Variants in NCAM2 observed in about 807,000 individuals in gnomAD.
NCAM2 encodes neural cell adhesion molecule 2, also known as N-CAM-2.
Under a neutral mutation model 98.1 loss-of-function variants are expected in NCAM2, and 30 were observed. The observed-to-expected ratio is 0.31, with a 90% CI of 0.23 to 0.41. NCAM2 has a LOEUF of 0.41. Ranked by LOEUF, NCAM2 falls within the 10% of genes least tolerant of loss-of-function variation. NCAM2 has a pLI of 1.00. For synonymous variants in NCAM2, 368 were observed against 342.4 expected (o/e 1.07, Z -0.83); for missense variants, 867 against 1,005.8 (o/e 0.86, Z 1.87).
chr21:21,270,013 T>G (rs1440336359), intron 1 of NCAM2, among the ~76,000 whole-genome samples: 3 of 152,168 alleles, frequency 2.0e-5, no homozygotes, highest in African/African-American at 7.2e-5. Flanking sequence ...AATACCCACA[T>G]TGGGGAAGAC....
intron 1 of NCAM2, among the ~76,000 whole-genome samples, chr21:21,198,037 A>G (rs984760801): frequency 2.0e-5 from 3 of 152,180 alleles, no homozygotes; most frequent in Non-Finnish European, 4.4e-5. Context: ...TACCTGGTTC[A>G]TATCACTCTT....
intron 6 of NCAM2, among the ~76,000 whole-genome samples, chr21:21,325,620 A>C (rs9974097): frequency 0.046 from 6,989 of 152,232 alleles, 291 homozygotes; most frequent in East Asian, 0.19. Context: ...CTGCTGATTT[A>C]CTAATGTGGA....
chr21:21,016,312 G>T (rs1030082754), intron 1 of NCAM2, among the ~76,000 whole-genome samples: 1 of 152,172 alleles, frequency 6.6e-6, no homozygotes, highest in East Asian at 1.9e-4. Flanking sequence ...ATGTTGAAAA[G>T]ACCATTTTTG....
intron 1 of NCAM2, among the ~76,000 whole-genome samples, chr21:21,164,089 A>T (rs1478253808): frequency 6.6e-6 from 1 of 152,244 alleles, no homozygotes; most frequent in Non-Finnish European, 1.5e-5. Context: ...AAGACTGGAC[A>T]GCTGCCACCA....
chr21:21,380,476 G>T (rs1318512624), intron 9 of NCAM2, among the ~76,000 whole-genome samples: 3 of 152,012 alleles, frequency 2.0e-5, no homozygotes, highest in Non-Finnish European at 4.4e-5. Flanking sequence ...GGAAGTCAGA[G>T]GTCTGAAATG....
At chr21:21,288,438 CCAG>C (rs1276247943) in intron 4 of NCAM2, among the ~76,000 whole-genome samples, 24 of 151,520 alleles carry the variant, frequency 1.6e-4, no homozygotes, top group Middle Eastern at 3.4e-3. Context: ...ATATCTAGAA[CCAG>C]AAAATCCAAT....
intron 12 of NCAM2, among the ~76,000 whole-genome samples, chr21:21,449,956 G>A (rs914602449): frequency 1.3e-5 from 2 of 151,882 alleles, no homozygotes; most frequent in Non-Finnish European, 2.9e-5. Flanking sequence ...CTTTTTCTGT[G>A]TATCAGTGTC....
intron 1 of NCAM2, among the ~76,000 whole-genome samples, chr21:21,008,132 A>T (rs1439615628): frequency 1.3e-5 from 2 of 150,804 alleles, no homozygotes. Context: ...GGTATGTCCC[A>T]TATACTTTGA....
At chr21:21,074,666 G>A (rs901810523) in intron 1 of NCAM2, among the ~76,000 whole-genome samples, 4 of 152,162 alleles carry the variant, frequency 2.6e-5, no homozygotes, top group African/African-American at 9.7e-5. Flanking sequence ...TTTTGCTTCC[G>A]CAGAATCTAG....
At position 21,084,023 on chromosome 21, in the gene NCAM2, T is replaced by A. The variant is rs543523913; in HGVS notation, c.55+85405T>A. Among the ~76,000 whole-genome samples, 4 of 152,282 alleles carry A rather than the reference T, an allele frequency of 2.6e-5. No individual in the cohort carries two copies. The East Asian group carries it at 7.7e-4, about 29-fold the overall frequency. ...GTGGCTTAAACAACAGAAATTTATT[T>A]CTTACAGTTCTGGAGGCTGGGAAGA... On this transcript the variant is annotated intron_variant, in intron 1 of 17. Transcript: ENST00000400546.
Position 21,480,294 on chromosome 21 carries a change from A to G in NCAM2, c.2077+2823A>G, listed in dbSNP as rs1344336249. ...AGGCAGGAGAATGGCGTGAACCTGG[A>G]AGGCGGAGCTTGCAGTGAGCCGAGA... On this transcript the variant is annotated intron_variant, in intron 15 of 17. Transcript: ENST00000400546. Among the ~76,000 whole-genome samples, 9 of 149,444 alleles carry G rather than the reference A, an allele frequency of 6.0e-5. No homozygotes were observed. The South Asian group carries it at 8.5e-4, about 14-fold the overall frequency.
Position 21,537,928 on chromosome 21 carries a change from C to A in NCAM2, c.2485C>A (p.Gln829Lys). 2 of 1,569,492 alleles carry A rather than the reference C, an allele frequency of 1.3e-6. No individual in the cohort carries two copies. Among genetic ancestry groups the A allele is most frequent in the South Asian group, 1.2e-5 (1 of 84,976 alleles). Reference sequence around the variant, plus strand: ...AATTAAAGTTTCTAACGACATCATTCAATCAAAAGAAGACGACAGCAAAGC... The same window carrying A: ...AATTAAAGTTTCTAACGACATCATTAAATCAAAAGAAGACGACAGCAAAGC... ...IEIKVSNDIIQSKEDDSKA is the reference protein window; with the variant it reads ...IEIKVSNDIIKSKEDDSKA The change falls in exon 18 of 18, where the codon CAA (glutamine) becomes AAA (lysine). Residue 829 changes from glutamine (Q) to lysine (K), a missense_variant. By Grantham distance (53) the Gln-to-Lys change is moderately conservative. Transcript: ENST00000400546.
At chr21:21,157,657 T>A (rs2067656363) in intron 1 of NCAM2, among the ~76,000 whole-genome samples, 1 of 152,114 alleles carries the variant, frequency 6.6e-6, no homozygotes, top group South Asian at 2.1e-4. Flanking sequence ...TGGAATCATC[T>A]GCATTTAAAA....
intron 15 of NCAM2, among the ~76,000 whole-genome samples, chr21:21,499,846 T>C (rs914533754): frequency 6.6e-6 from 1 of 152,150 alleles, no homozygotes; most frequent in African/African-American, 2.4e-5. Context: ...AACAACAATA[T>C]TATTTAGATA....
At chr21:21,507,816 T>G (rs117431330) in intron 15 of NCAM2, among the ~76,000 whole-genome samples, 1 of 151,380 alleles carries the variant, frequency 6.6e-6, no homozygotes, top group African/African-American at 2.4e-5. Flanking sequence ...AAGACTAAAC[T>G]GTTATGCAAG....
At chr21:21,133,168 A>G (rs1050127996) in intron 1 of NCAM2, among the ~76,000 whole-genome samples, 17 of 152,224 alleles carry the variant, frequency 1.1e-4, no homozygotes, top group Admixed American at 8.5e-4. Flanking sequence ...ACAGTAAGCT[A>G]CAGTACAAAC....
chr21:21,072,163 C>T (rs565391992), intron 1 of NCAM2, among the ~76,000 whole-genome samples: 16 of 152,218 alleles, frequency 1.1e-4, no homozygotes, highest in South Asian at 6.2e-4. Context: ...CCTCCCGTTT[C>T]GGCCTCCCAA....
chr21:21,495,882 A>G (rs1259870359), intron 15 of NCAM2, among the ~76,000 whole-genome samples: 4 of 151,570 alleles, frequency 2.6e-5, no homozygotes, highest in Non-Finnish European at 5.9e-5. Context: ...CTATTTGCTA[A>G]CCTCACATTA....
intron 1 of NCAM2, among the ~76,000 whole-genome samples, chr21:21,150,348 A>C (rs2067411625): frequency 6.6e-6 from 1 of 152,096 alleles, no homozygotes. Flanking sequence ...TTTCTTGCCT[A>C]GTCTGCTGCC....
Sources: allele counts gnomAD v4.1 joint callset (sites outside exome capture counted in the v4.1 genomes callset), GRCh38; gene constraint gnomAD v4.1.1; transcripts MANE v1.5; gene names NCBI Gene and HGNC (gene_info 2026-07-23, HGNC 2026-07-21).